The following POLR1F variants were observed in gnomAD, a reference collection of about 807,000 sequenced individuals.
POLR1F encodes the protein DNA-directed RNA polymerase I subunit RPA43.
POLR1F carries 23 observed loss-of-function variants against 21.8 expected under a neutral mutation model. The observed-to-expected ratio is 1.05, with a 90% confidence interval of 0.76 to 1.49. The LOEUF is 1.49. Ranked by LOEUF, POLR1F falls within the 40% of genes most tolerant of loss-of-function variation. The pLI, the probability that POLR1F is intolerant of heterozygous loss-of-function variation, is 0.00. For missense variants in POLR1F, 435 were observed against 412.1 expected (o/e 1.06, Z -0.48); for synonymous variants, 162 against 152.8 (o/e 1.06, Z -0.45).
rs1038489957 is a variant in POLR1F, at chr7:19,695,620, G to C, written c.*2696C>G. The stretch of plus-strand genomic sequence containing the variant: ...CAAGACAAATTTGATTAAGAGACAA[G>C]CTTTACAAACAGGTAAACAGTTTGA... On this transcript the variant is annotated 3_prime_UTR_variant, in exon 4 of 4. Transcript: ENST00000222567. The C allele has an allele frequency of 1.3e-5, 2 of 152,086 alleles. No individual in the cohort carries two copies. Among genetic ancestry groups the C allele is most frequent in the Non-Finnish European group, 2.9e-5 (2 of 67,952 alleles). The allele number at this position is 152,086 out of a possible 1,614,324, so 9.4% of individuals were successfully genotyped here.
intron 2 of POLR1F, among the ~76,000 whole-genome samples, chr7:19,701,517 T>G (rs1018419768): frequency 6.6e-6 from 1 of 152,140 alleles, no homozygotes; most frequent in Non-Finnish European, 1.5e-5. Context: ...AGGGAAATAT[T>G]AGGGAAAGTT....
chr7:19,702,976 TTTAC>T (rs1260358276), intron 2 of POLR1F, among the ~76,000 whole-genome samples: 1 of 152,188 alleles, frequency 6.6e-6, no homozygotes, highest in Non-Finnish European at 1.5e-5. Context: ...CTTCTAGTTA[TTTAC>T]TTAAGAGAAA....
chr7:19,704,619 C>T (rs367913146), intron 2 of POLR1F, among the ~76,000 whole-genome samples, 160 bp downstream of exon 2: 8 of 151,976 alleles, frequency 5.3e-5, no homozygotes, highest in South Asian at 2.1e-4. Context: ...AACTTACCTA[C>T]GTTTGAATGA....
rs924137010 is a variant in POLR1F, at chr7:19,697,066, T to A, written c.*1250A>T. On this transcript the variant is annotated 3_prime_UTR_variant, in exon 4 of 4. Transcript: ENST00000222567. Reference sequence around the variant, plus strand: ...AGCAGAATTTATTCATTACCAAATATTAAGCTGTGAGACCAGCACTATGTC... The same window carrying A: ...AGCAGAATTTATTCATTACCAAATAATAAGCTGTGAGACCAGCACTATGTC... 1.3e-5 allele frequency: 2 copies of A among 152,108 alleles called. No individual in the cohort carries two copies. Among genetic ancestry groups the A allele is most frequent in the East Asian group, 3.8e-4 (2 of 5,204 alleles). The allele number at this position is 152,108 out of a possible 1,614,324, so 9.4% of individuals were successfully genotyped here.
chr7:19,702,976 T>C (rs1489073912), intron 2 of POLR1F, among the ~76,000 whole-genome samples: 1 of 152,188 alleles, frequency 6.6e-6, no homozygotes, highest in Non-Finnish European at 1.5e-5. Context: ...CTTCTAGTTA[T>C]TTACTTAAGA....
chr7:19,702,369 T>C (rs137886207), intron 2 of POLR1F, among the ~76,000 whole-genome samples: 2 of 152,146 alleles, frequency 1.3e-5, no homozygotes, highest in African/African-American at 2.4e-5. Flanking sequence ...GAAAGCTACA[T>C]GAAGGAGAGA....
At chr7:19,703,527 TA>T (rs1230781931) in intron 2 of POLR1F, among the ~76,000 whole-genome samples, 6 of 152,334 alleles carry the variant, frequency 3.9e-5, no homozygotes, top group Admixed American at 3.9e-4. Flanking sequence ...TTAAAAGGGA[TA>T]TTTTTCATTT....
intron 3 of POLR1F, among the ~76,000 whole-genome samples, chr7:19,699,746 G>A (rs554555816): frequency 6.6e-6 from 1 of 151,952 alleles, no homozygotes; most frequent in Non-Finnish European, 1.5e-5. Context: ...AGGTAATTGT[G>A]CTTTCAGTAG....
chr7:19,706,573 C>T (rs1372293935), intron 1 of POLR1F, among the ~76,000 whole-genome samples: 1 of 152,138 alleles, frequency 6.6e-6, no homozygotes, highest in African/African-American at 2.4e-5. Context: ...GAGGAAATGT[C>T]CTTCGCTCTG....
Position 19,700,182 on chromosome 7 carries a change from C to T in POLR1F, c.495G>A (p.Gln165=). The T allele has an allele frequency of 6.2e-7, 1 of 1,613,942 alleles. No individual in the cohort carries two copies. The highest frequency in any genetic ancestry group is 8.5e-7 in the Non-Finnish European group (1 of 1,179,850). The part of the protein sequence containing the change: ...IPKPEQLSAE[Q]WQTMEINMGD... ...CCATGTTTATCTCCATGGTTTGCCA[C>T]TGCTCAGCTGACAACTGCTCAGGTT... Residue 165 remains glutamine (Q), a synonymous_variant, in exon 3 of 4, where the codon CAG becomes CAA. Coordinates refer to ENST00000222567, the MANE Select transcript of POLR1F (RefSeq NM_001002926.2).
At chr7:19,700,387 A>T in intron 2 of POLR1F, 107 bp from the exon 3 acceptor site, 1 of 812,674 alleles carries the variant, frequency 1.2e-6, no homozygotes, top group East Asian at 2.6e-5. Context: ...AACAAACATC[A>T]AATTAATGGT....
chr7:19,707,210 T>G (rs1312737299), intron 1 of POLR1F, among the ~76,000 whole-genome samples: 1 of 152,194 alleles, frequency 6.6e-6, no homozygotes, highest in Non-Finnish European at 1.5e-5. Flanking sequence ...AACCATTAAG[T>G]AAATGTTGTT....
intron 2 of POLR1F, among the ~76,000 whole-genome samples, chr7:19,700,574 C>T (rs887766847): frequency 2.6e-5 from 4 of 152,118 alleles, no homozygotes; most frequent in African/African-American, 9.7e-5. Flanking sequence ...AACCTGCCCC[C>T]GCCACCCTGT....
rs11543308 is a variant in POLR1F, at chr7:19,704,794, T to C, written c.381A>G (p.Pro127=). ...ATACACATACCATAAGCTTCTGCCCTGGTTCAGGGCAGAAAATAACAAAAT... is the reference window on the plus strand; with the variant it reads ...ATACACATACCATAAGCTTCTGCCCCGGTTCAGGGCAGAAAATAACAAAAT... ...EADFVIFCPE[P]GQKLMGIVNK... is the part of the protein sequence containing the mutation. The change falls in exon 2 of 4, where the codon CCA becomes CCG. Residue 127 remains proline, a synonymous_variant. Coordinates refer to ENST00000222567, the MANE Select transcript of POLR1F (RefSeq NM_001002926.2). 83,801 of 1,600,116 alleles carry C rather than the reference T, an allele frequency of 0.052. 3,158 individuals are homozygous for C. The highest frequency in any genetic ancestry group is 0.16 in the African/African-American group (12,132 of 73,990).
In POLR1F at chr7:19,696,230, T is replaced by C. The variant is rs1384463149; in HGVS notation, c.*2086A>G. 6.6e-6 allele frequency: 1 copy of C among 152,094 alleles called. No homozygotes were observed. Among genetic ancestry groups the C allele is most frequent in the Non-Finnish European group, 1.5e-5 (1 of 67,942 alleles). 9.4% of individuals were successfully genotyped at this position (152,094 alleles called of 1,614,324 possible). On this transcript the variant is annotated 3_prime_UTR_variant, in exon 4 of 4. Transcript: ENST00000222567. ...ACAAAAAAAACAATGAACAAAGTTA[T>C]GCTATTCTAGGAAAGACAAATGGCC...
At chr7:19,705,668 T>A (rs1783510798) in intron 1 of POLR1F, among the ~76,000 whole-genome samples, 1 of 152,232 alleles carries the variant, frequency 6.6e-6, no homozygotes, top group Non-Finnish European at 1.5e-5. Context: ...GACTGACACT[T>A]TAGTCTACAA....
intron 3 of POLR1F, 50 bp from the exon 4 acceptor site, chr7:19,698,777 A>G (rs1296607892): frequency 6.9e-6 from 10 of 1,440,206 alleles, no homozygotes; most frequent in Non-Finnish European, 9.2e-6. Flanking sequence ...CAAAAAACAA[A>G]GAACAAATTG....
chr7:19,700,411 GA>G, intron 2 of POLR1F, 131 bp from the exon 3 acceptor site: 1 of 698,206 alleles, frequency 1.4e-6, no homozygotes, highest in Admixed American at 2.8e-5. Context: ...ATTTAATATG[GA>G]AAAAGTTTAC....
chr7:19,709,017 G>A lies in POLR1F; in HGVS notation c.-1C>T, dbSNP rs1033121158. ...GCGCCTCTGAGCAACCTGCAGCCAT[G>A]CTGCTTGTCAAGGTTCCCACGGCGC... On this transcript the variant is annotated 5_prime_UTR_variant, in exon 1 of 4. Transcript: ENST00000222567. 3.8e-6 allele frequency: 6 copies of A among 1,571,716 alleles called. No individual in the cohort carries two copies. The African/African-American group carries it at 4.1e-5, about 11-fold the overall frequency.
Sources: allele counts gnomAD v4.1 joint callset (sites outside exome capture counted in the v4.1 genomes callset), GRCh38; gene constraint gnomAD v4.1.1; transcripts MANE v1.5; gene names NCBI Gene and HGNC (gene_info 2026-07-23, HGNC 2026-07-21).